Variants in ABHD2 observed in about 807,000 individuals in gnomAD.
The protein encoded by ABHD2 is monoacylglycerol lipase ABHD2.
Under a neutral mutation model 48.1 loss-of-function variants are expected in ABHD2, and 20 were observed. That is an observed-to-expected ratio of 0.42 (90% CI 0.29 to 0.60). The LOEUF (loss-of-function observed/expected upper bound fraction) is 0.60, where lower values mean the gene tolerates loss of function less well. Ranked by LOEUF, ABHD2 falls within the 20% of genes least tolerant of loss-of-function variation. ABHD2 has a pLI of 0.24. For missense variants in ABHD2, 405 were observed against 550.9 expected (o/e 0.74, Z 2.65); for synonymous variants, 209 against 214.2 (o/e 0.98, Z 0.21).
chr15:89,188,394 C>G lies in ABHD2; in HGVS notation c.926+91C>G, dbSNP rs998557705. The G allele has an allele frequency of 3.4e-5, 39 of 1,139,046 alleles. No homozygotes were observed. The Admixed American group carries it at 7.2e-4, about 21-fold the overall frequency. The allele number at this position is 1,139,046 out of a possible 1,614,324, so 70.6% of individuals were successfully genotyped here. ...GCTGTGCCCAGCACTAGTGTTTGCT[C>G]TGCCTACTTGAGTGTTAAGGGTGTT... On this transcript the variant is annotated intron_variant, in intron 8 of 10. Coordinates refer to ENST00000352732, the MANE Select transcript of ABHD2 (RefSeq NM_152924.5). This position sits in a 1 kb window ranked among gnomAD's most constrained non-coding sequence, Gnocchi z 4.1.
intron 3 of ABHD2, among the ~76,000 whole-genome samples, chr15:89,138,251 C>G (rs2050346378): frequency 6.6e-6 from 1 of 152,244 alleles, no homozygotes; most frequent in Non-Finnish European, 1.5e-5. Context: ...TGTGCACACA[C>G]AGGAAGGCCT....
intron 3 of ABHD2, among the ~76,000 whole-genome samples, chr15:89,117,245 T>G (rs293393): frequency 6.6e-6 from 1 of 151,984 alleles, no homozygotes; most frequent in Non-Finnish European, 1.5e-5. Flanking sequence ...AGGCTGGTCT[T>G]GAACTCCTGA....
chr15:89,138,001 G>A (rs1260108317), intron 3 of ABHD2, among the ~76,000 whole-genome samples: 1 of 152,196 alleles, frequency 6.6e-6, no homozygotes. Context: ...ATGGGCTCAC[G>A]AAGGACCTGC....
chr15:89,138,331 C>T (rs1157749842), intron 3 of ABHD2, among the ~76,000 whole-genome samples: 1 of 152,224 alleles, frequency 6.6e-6, no homozygotes, highest in Non-Finnish European at 1.5e-5. Flanking sequence ...ACCACTGATG[C>T]TTGTCCTCCT....
At position 89,095,221 on chromosome 15, in the gene ABHD2, G is replaced by T. The variant is rs182098911; in HGVS notation, c.-107+6658G>T. Among the ~76,000 whole-genome samples the T allele has an allele frequency of 2.0e-3, 305 of 152,256 alleles. 1 individual carries two copies. The highest frequency in any genetic ancestry group is 7.0e-3 in the African/African-American group (290 of 41,536). On this transcript the variant is annotated intron_variant, in intron 1 of 10. Transcript: ENST00000352732. ...ATGCTGTTTGGGAGGGCCTAAAGTC[G>T]AGGATTCTACTCAAGGAGAGGTTCC...
At chr15:89,055,259 T>C in the ABHD2 span, among the ~76,000 whole-genome samples, 1 of 152,086 alleles carries the variant, frequency 6.6e-6, no homozygotes, top group African/African-American at 2.4e-5. Context: ...TTTTAAAGTG[T>C]CTATCTTTTG....
At chr15:89,083,118 C>T (rs1901307170), upstream of ABHD2, among the ~76,000 whole-genome samples, 1 of 152,152 alleles carries the variant, frequency 6.6e-6, no homozygotes, top group Non-Finnish European at 1.5e-5. The surrounding 1 kb of genome is among the most constrained non-coding windows in gnomAD (Gnocchi z 5.1). Context: ...GCCTCCCAAA[C>T]TGCTGGGATT....
rs112551861 is a variant in ABHD2, at chr15:89,158,053, G to A, written c.538+2519G>A. The stretch of plus-strand genomic sequence containing the variant: ...TACAAGTAGAAGATGGGGAGGCATG[G>A]CTTGGCTGCAGGGCCAGGATGGAGA... On this transcript the variant is annotated intron_variant, in intron 5 of 10. Coordinates refer to ENST00000352732, the MANE Select transcript of ABHD2 (RefSeq NM_152924.5). Among the ~76,000 whole-genome samples, 749 of 152,118 alleles carry A rather than the reference G, an allele frequency of 4.9e-3. 7 individuals carry two copies. The highest frequency in any genetic ancestry group is 0.017 in the African/African-American group (708 of 41,502).
chr15:89,064,127 C>T, the ABHD2 span, among the ~76,000 whole-genome samples: 1 of 151,558 alleles, frequency 6.6e-6, no homozygotes, highest in South Asian at 2.1e-4. Flanking sequence ...TTGTGTCTGG[C>T]TTATTTAGCA....
chr15:89,106,537 T>A lies in ABHD2; in HGVS notation c.-106-7188T>A, dbSNP rs967393956. ...TATGTTCTGAGGCTCTCCCATCCCATGGCAGTGAAAGACTCAGAGGACACA... is the reference window on the plus strand; with the variant it reads ...TATGTTCTGAGGCTCTCCCATCCCAAGGCAGTGAAAGACTCAGAGGACACA... On this transcript the variant is annotated intron_variant, in intron 1 of 10. Transcript: ENST00000352732. The surrounding 1 kb of genome is among the most constrained non-coding windows in gnomAD (Gnocchi z 4.2). 1 of 152,092 alleles carries A rather than the reference T, an allele frequency of 6.6e-6. No individual in the cohort carries two copies. Among genetic ancestry groups the A allele is most frequent in the Non-Finnish European group, 1.5e-5 (1 of 68,054 alleles). The allele number at this position is 152,092 out of a possible 1,614,324, so 9.4% of individuals were successfully genotyped here. A position where few individuals can be genotyped will look rare whatever the true frequency, so the allele number is the denominator to read the frequency against.
At chr15:89,076,651 T>G in the ABHD2 span, among the ~76,000 whole-genome samples, 1 of 151,984 alleles carries the variant, frequency 6.6e-6, no homozygotes, top group Non-Finnish European at 1.5e-5. Context: ...GTCCAGCTAC[T>G]TTTTTGTATT....
intron 3 of ABHD2, among the ~76,000 whole-genome samples, chr15:89,124,040 A>G (rs1476498318): frequency 1.3e-5 from 2 of 152,204 alleles, no homozygotes; most frequent in African/African-American, 2.4e-5. Context: ...TGCCCCAAAT[A>G]AGAGCTCAGT....
chr15:89,099,465 T>G (rs2049665826), intron 1 of ABHD2, among the ~76,000 whole-genome samples: 1 of 151,960 alleles, frequency 6.6e-6, no homozygotes, highest in Non-Finnish European at 1.5e-5. Flanking sequence ...AAATTTTAAT[T>G]AGCCAAGTGT....
chr15:89,183,853 A>G (rs1355564172), intron 6 of ABHD2, among the ~76,000 whole-genome samples: 2 of 152,138 alleles, frequency 1.3e-5, no homozygotes, highest in African/African-American at 4.8e-5. Context: ...GAAAGCTGGG[A>G]TTGCCAGAGA....
intron 5 of ABHD2, among the ~76,000 whole-genome samples, chr15:89,158,891 T>C (rs899772825): frequency 6.6e-6 from 1 of 151,804 alleles, no homozygotes; most frequent in African/African-American, 2.4e-5. Context: ...CTCGAACTCC[T>C]GAGCTCAAGT....
In ABHD2 at chr15:89,174,197, C is replaced by T. The variant is rs913285637; in HGVS notation, c.539-1615C>T. 2.6e-5 allele frequency among the ~76,000 whole-genome samples: 4 copies of T among 151,924 alleles called. No individual in the cohort carries two copies. Among genetic ancestry groups the T allele is most frequent in the Non-Finnish European group, 4.4e-5 (3 of 67,986 alleles). On this transcript the variant is annotated intron_variant, in intron 5 of 10. Transcript: ENST00000352732. This position sits in a 1 kb window ranked among gnomAD's most constrained non-coding sequence, Gnocchi z 4.1. ...CAAGTGTATTGATGCATAATATTGC[C>T]AGACATATTGTAAAGGGAAAAAAAG...
chr15:89,126,812 G>T (rs1307596477), intron 3 of ABHD2, among the ~76,000 whole-genome samples: 3 of 152,174 alleles, frequency 2.0e-5, no homozygotes, highest in Non-Finnish European at 4.4e-5. Context: ...TAGAAGCCCA[G>T]TCTTCTTCAG....
Position 89,185,580 on chromosome 15 carries a change from G to GA in ABHD2, c.815+64_815+65insA. The GA allele has an allele frequency of 1.4e-6, 2 of 1,471,694 alleles. No homozygotes were observed. The highest frequency in any genetic ancestry group is 1.9e-6 in the Non-Finnish European group (2 of 1,056,360). 91.2% of individuals were successfully genotyped at this position (1,471,694 alleles called of 1,614,324 possible). The stretch of plus-strand genomic sequence containing the variant: ...TCCTTCCTGAGCTCATCTGGGAACC[G>GA]TGAAAAGCCAGGACTCCTGTTCCTT... On this transcript the variant is annotated intron_variant, in intron 7 of 10. Transcript: ENST00000352732. The surrounding 1 kb of genome is among the most constrained non-coding windows in gnomAD (Gnocchi z 5.9).
At chr15:89,065,446 A>G in the ABHD2 span, among the ~76,000 whole-genome samples, 8 of 152,220 alleles carry the variant, frequency 5.3e-5, no homozygotes, top group South Asian at 2.1e-4. Context: ...CTGGTGTATG[A>G]TATGCCTCCT....
Sources: gnomAD v4.1 joint callset for allele counts (sites outside exome capture counted in the v4.1 genomes callset) on GRCh38, gnomAD v4.1.1 for gene constraint, Gnocchi (gnomAD v3.1) non-coding constraint, MANE v1.5 for transcripts, NCBI Gene and HGNC (gene_info 2026-07-23, HGNC 2026-07-21) for gene names.